Variants in RARB observed in about 807,000 individuals in gnomAD.
RARB encodes retinoic acid receptor beta, also known as HBV-activated protein.
In RARB, 17 loss-of-function variants were observed where a neutral mutation model predicts 51.9. The ratio of observed to expected loss-of-function variants is 0.33; its 90% CI spans 0.22 to 0.49. RARB has a LOEUF of 0.49. RARB is among the 20% of genes least tolerant of loss of function. The pLI is 0.99. For synonymous variants in RARB, 215 were observed against 195.4 expected (o/e 1.10, Z -0.84); for missense variants, 369 against 550.8 (o/e 0.67, Z 3.30).
intron 5 of RARB, among the ~76,000 whole-genome samples, chr3:25,342,964 G>A (rs1050732160): frequency 6.6e-6 from 1 of 151,620 alleles, no homozygotes; most frequent in Non-Finnish European, 1.5e-5. Flanking sequence ...TAAGAGGGGG[G>A]AGGGGAAAAG....
intron 2 of RARB, among the ~76,000 whole-genome samples, chr3:25,036,452 A>C (rs1024880167): frequency 6.6e-6 from 1 of 152,234 alleles, no homozygotes; most frequent in African/African-American, 2.4e-5. Flanking sequence ...GAAAAGAAAC[A>C]ACTAGACTAA....
At chr3:25,458,892 G>T (rs924470503) in intron 1 of RARB, among the ~76,000 whole-genome samples, 2 of 152,110 alleles carry the variant, frequency 1.3e-5, no homozygotes, top group South Asian at 4.1e-4. Flanking sequence ...AACTTAGAGG[G>T]ACTCTTAGTG....
chr3:25,235,612 A>G (rs914956387), intron 5 of RARB, among the ~76,000 whole-genome samples: 1 of 152,154 alleles, frequency 6.6e-6, no homozygotes, highest in Non-Finnish European at 1.5e-5. Flanking sequence ...AACATTCCAT[A>G]GCTGAAATAA....
chr3:25,590,362 C>T (rs1181761448), intron 5 of RARB, among the ~76,000 whole-genome samples: 1 of 152,186 alleles, frequency 6.6e-6, no homozygotes, highest in Non-Finnish European at 1.5e-5. Context: ...TCCGACAAAT[C>T]TCTGGATTCT....
At chr3:25,286,581 G>T (rs1355238282) in intron 5 of RARB, among the ~76,000 whole-genome samples, 1 of 152,162 alleles carries the variant, frequency 6.6e-6, no homozygotes, top group African/African-American at 2.4e-5. Context: ...AATGTCAGTT[G>T]CTTCTCACTA....
At chr3:25,168,574 C>A (rs999946330) in intron 4 of RARB, among the ~76,000 whole-genome samples, 4 of 151,812 alleles carry the variant, frequency 2.6e-5, no homozygotes, top group African/African-American at 7.3e-5. Context: ...ACGTGGCAGT[C>A]ATGACAAAGA....
chr3:25,101,897 T>TTA (rs1271576671), intron 3 of RARB, among the ~76,000 whole-genome samples: 1 of 152,062 alleles, frequency 6.6e-6, no homozygotes, highest in Non-Finnish European at 1.5e-5. Context: ...AAGCAAAAAC[T>TTA]TGTGTCTCTT....
intron 4 of RARB, among the ~76,000 whole-genome samples, chr3:25,167,630 A>G (rs887190135): frequency 1.3e-5 from 2 of 152,154 alleles, no homozygotes; most frequent in African/African-American, 4.8e-5. Flanking sequence ...TCCTCTACCA[A>G]TTTTATCTTG....
intron 5 of RARB, among the ~76,000 whole-genome samples, chr3:25,197,216 T>G (rs1418771245): frequency 6.6e-6 from 1 of 152,192 alleles, no homozygotes; most frequent in East Asian, 1.9e-4. Flanking sequence ...GTTTAAGTCT[T>G]TAATCAATCT....
At chr3:24,848,840 CTG>C (rs1301916848) in intron 1 of RARB, among the ~76,000 whole-genome samples, 1 of 152,196 alleles carries the variant, frequency 6.6e-6, no homozygotes, top group African/African-American at 2.4e-5. Context: ...CTGTCATAAA[CTG>C]TGTTTATATC....
intron 3 of RARB, among the ~76,000 whole-genome samples, chr3:25,528,816 G>A (rs1238545751): frequency 7.0e-6 from 1 of 143,234 alleles, no homozygotes; most frequent in Non-Finnish European, 1.5e-5. Context: ...ACTTTCAGAA[G>A]CAGCAACTTT....
intron 2 of RARB, among the ~76,000 whole-genome samples, chr3:25,022,497 A>C (rs988860343): frequency 3.9e-5 from 6 of 152,112 alleles, no homozygotes; most frequent in African/African-American, 1.4e-4. Context: ...AATTTTTCTA[A>C]TTTTAAAAAC....
At chr3:25,263,125 A>G (rs1272484759) in intron 5 of RARB, among the ~76,000 whole-genome samples, 1 of 152,216 alleles carries the variant, frequency 6.6e-6, no homozygotes, top group Non-Finnish European at 1.5e-5. Context: ...TTCCATTTCT[A>G]TGAACGTTTG....
chr3:25,146,507 G>GTTTTT (rs1209595229), intron 4 of RARB, among the ~76,000 whole-genome samples: 5 of 133,400 alleles, frequency 3.7e-5, no homozygotes, highest in African/African-American at 1.4e-4. Flanking sequence ...TTGTTTGTTT[G>GTTTTT]TTTGTTTTTT....
intron 1 of RARB, among the ~76,000 whole-genome samples, chr3:24,832,461 T>C (rs147638051): frequency 3.8e-4 from 57 of 151,814 alleles, no homozygotes; most frequent in African/African-American, 1.3e-3. Flanking sequence ...CTGTGTAAGA[T>C]TGGGGTAAGT....
intron 1 of RARB, among the ~76,000 whole-genome samples, chr3:25,431,072 G>A (rs1441813307): frequency 6.6e-6 from 1 of 150,398 alleles, no homozygotes. Context: ...GCTAGTTAGG[G>A]CTATTGAAAT....
intron 5 of RARB, among the ~76,000 whole-genome samples, chr3:25,326,081 T>C (rs1330047297): frequency 1.1e-4 from 16 of 152,190 alleles, no homozygotes; most frequent in Admixed American, 9.8e-4. Context: ...GTTACCAGTG[T>C]GTTCTTCCCT....
At chr3:25,356,889 C>T (rs1182585222) in intron 5 of RARB, among the ~76,000 whole-genome samples, 1 of 152,024 alleles carries the variant, frequency 6.6e-6, no homozygotes, top group Non-Finnish European at 1.5e-5. Context: ...GTATATGTGC[C>T]ACATTTTCTT....
intron 2 of RARB, among the ~76,000 whole-genome samples, chr3:25,012,367 C>G (rs1027604561): frequency 6.6e-6 from 1 of 152,026 alleles, no homozygotes; most frequent in Non-Finnish European, 1.5e-5. Context: ...AGAACGCTAT[C>G]CCCAGATGTT....
Sources: allele counts gnomAD v4.1 joint callset (sites outside exome capture counted in the v4.1 genomes callset), GRCh38; gene constraint gnomAD v4.1.1; transcripts MANE v1.5; gene names NCBI Gene and HGNC (gene_info 2026-07-23, HGNC 2026-07-21).